The following ASIC2 variants were observed in gnomAD, a reference collection of about 807,000 sequenced individuals.
The protein encoded by ASIC2 is acid sensing ion channel subunit 2, also known as acid-sensing ion channel 2.
Under a neutral mutation model 57.3 loss-of-function variants are expected in ASIC2, and 25 were observed. That is an observed-to-expected ratio of 0.44 (90% CI 0.32 to 0.61). ASIC2 has a LOEUF of 0.61. Ranked by LOEUF, ASIC2 falls within the 20% of genes least tolerant of loss-of-function variation. The probability of loss-of-function intolerance (pLI) is 0.06; values close to 1 mark genes in which losing one functional copy is unlikely to be tolerated. For missense variants in ASIC2, 641 were observed against 738.1 expected (o/e 0.87, Z 1.52); for synonymous variants, 319 against 307.5 (o/e 1.04, Z -0.39).
chr17:33,820,735 T>A (rs1188940622), intron 1 of ASIC2, among the ~76,000 whole-genome samples: 2 of 152,186 alleles, frequency 1.3e-5, no homozygotes, highest in Non-Finnish European at 2.9e-5. Context: ...AGATACAGGA[T>A]GTTGACATGT....
chr17:33,347,870 G>C (rs1908012903), intron 1 of ASIC2, among the ~76,000 whole-genome samples: 1 of 152,232 alleles, frequency 6.6e-6, no homozygotes, highest in South Asian at 2.1e-4. Context: ...GGGAGGCCGA[G>C]ATGGGTGGAT....
intron 1 of ASIC2, among the ~76,000 whole-genome samples, chr17:34,104,930 A>G (rs950606927): frequency 3.9e-5 from 6 of 152,050 alleles, no homozygotes; most frequent in African/African-American, 1.2e-4. Flanking sequence ...ATGGTTTGAT[A>G]TCAAAAATCA....
At chr17:33,686,743 T>C (rs552135834) in intron 1 of ASIC2, among the ~76,000 whole-genome samples, 53 of 152,294 alleles carry the variant, frequency 3.5e-4, no homozygotes, top group African/African-American at 1.2e-3. Context: ...AGTGTGCATG[T>C]GAGAGTTTCT....
At chr17:33,320,017 T>A (rs1034212261) in intron 1 of ASIC2, among the ~76,000 whole-genome samples, 9 of 152,124 alleles carry the variant, frequency 5.9e-5, no homozygotes, top group Admixed American at 2.6e-4. Context: ...GAGGAAGTAA[T>A]TCATGTGCAA....
intron 1 of ASIC2, among the ~76,000 whole-genome samples, chr17:33,333,380 G>A (rs1907392214): frequency 6.6e-6 from 1 of 152,190 alleles, no homozygotes; most frequent in African/African-American, 2.4e-5. Flanking sequence ...TGATTCCAAA[G>A]GCTGTGGGAA....
chr17:33,130,348 A>G (rs2092340877), intron 1 of ASIC2, among the ~76,000 whole-genome samples: 1 of 152,208 alleles, frequency 6.6e-6, no homozygotes. Context: ...TACAGAGGAA[A>G]CAAGAATGGC....
chr17:33,038,500 G>T (rs998462141), intron 3 of ASIC2, among the ~76,000 whole-genome samples: 6 of 152,172 alleles, frequency 3.9e-5, no homozygotes, highest in Non-Finnish European at 7.3e-5. Flanking sequence ...TAATGAACAT[G>T]TAGGGTGGAT....
chr17:33,664,279 C>T (rs545248085), intron 1 of ASIC2, among the ~76,000 whole-genome samples: 9 of 152,304 alleles, frequency 5.9e-5, no homozygotes, highest in African/African-American at 2.2e-4. Flanking sequence ...AATTGGCCTT[C>T]TCAAGGAAGT....
chr17:33,056,460 G>C (rs1198966960), intron 3 of ASIC2, among the ~76,000 whole-genome samples: 1 of 152,096 alleles, frequency 6.6e-6, no homozygotes, highest in Non-Finnish European at 1.5e-5. Context: ...CCCCCTCCCT[G>C]GCCCAGTAGG....
chr17:33,633,954 C>G (rs1417470501), intron 1 of ASIC2, among the ~76,000 whole-genome samples: 1 of 152,200 alleles, frequency 6.6e-6, no homozygotes, highest in Non-Finnish European at 1.5e-5. Flanking sequence ...CTGCCTTATT[C>G]TTTGTGCCTT....
chr17:34,113,911 G>A (rs1911353377), intron 1 of ASIC2, among the ~76,000 whole-genome samples: 2 of 152,112 alleles, frequency 1.3e-5, no homozygotes, highest in African/African-American at 4.8e-5. Context: ...TGAGCTTGCT[G>A]ATTTAGTACT....
chr17:34,015,068 C>CTTTTTTT (rs776970617), intron 1 of ASIC2, among the ~76,000 whole-genome samples: 1 of 129,674 alleles, frequency 7.7e-6, no homozygotes, highest in Non-Finnish European at 1.6e-5. Flanking sequence ...TTTCTTCTGC[C>CTTTTTTT]TTTTTTTTTT....
chr17:33,408,385 G>A (rs549404275), intron 1 of ASIC2, among the ~76,000 whole-genome samples: 3 of 152,204 alleles, frequency 2.0e-5, no homozygotes, highest in South Asian at 2.1e-4. Context: ...TAGTGGGGAG[G>A]GCAGGATACT....
At chr17:33,509,443 G>A (rs1235804448) in intron 1 of ASIC2, among the ~76,000 whole-genome samples, 5 of 152,236 alleles carry the variant, frequency 3.3e-5, no homozygotes, top group South Asian at 2.1e-4. Context: ...CTCATCTGCC[G>A]CAATCCCAAG....
chr17:33,968,121 T>C (rs997891), intron 1 of ASIC2, among the ~76,000 whole-genome samples: 39,638 of 152,118 alleles, frequency 0.26, 5,305 homozygotes, highest in Middle Eastern at 0.31. Flanking sequence ...CTGTGTGCCA[T>C]CTACTGTGCT....
chr17:33,819,714 C>T (rs1199698574), intron 1 of ASIC2, among the ~76,000 whole-genome samples: 1 of 152,212 alleles, frequency 6.6e-6, no homozygotes, highest in Non-Finnish European at 1.5e-5. Flanking sequence ...GCCAAGCAAA[C>T]TTGGCTTTGA....
chr17:33,521,680 T>C (rs979442775), intron 1 of ASIC2, among the ~76,000 whole-genome samples: 2 of 152,144 alleles, frequency 1.3e-5, no homozygotes, highest in Admixed American at 6.5e-5. Flanking sequence ...GCGGGTGGAT[T>C]TGAGTTCTGG....
intron 1 of ASIC2, among the ~76,000 whole-genome samples, chr17:33,991,664 AT>A (rs1355915263): frequency 6.6e-6 from 1 of 152,200 alleles, no homozygotes; most frequent in Non-Finnish European, 1.5e-5. Context: ...GTTCCACAAA[AT>A]AACTGCACCT....
At chr17:34,107,623 A>G (rs1439197350) in intron 1 of ASIC2, among the ~76,000 whole-genome samples, 2 of 152,184 alleles carry the variant, frequency 1.3e-5, no homozygotes, top group East Asian at 1.9e-4. Context: ...TACTAAAAGG[A>G]GTTTATCAAT....
Sources: gnomAD v4.1 joint callset for allele counts (sites outside exome capture counted in the v4.1 genomes callset) on GRCh38, gnomAD v4.1.1 for gene constraint, MANE v1.5 for transcripts, NCBI Gene and HGNC (gene_info 2026-07-23, HGNC 2026-07-21) for gene names.